PTN: variants seen among roughly 807,000 people sequenced by gnomAD.
The protein encoded by PTN is heparin affin regulatory protein.
Under a neutral mutation model 24.1 loss-of-function variants are expected in PTN, and 18 were observed. The ratio of observed to expected loss-of-function variants is 0.75; its 90% CI spans 0.52 to 1.11. The LOEUF (loss-of-function observed/expected upper bound fraction) is 1.11. Ranked by LOEUF, PTN falls within the 50% of genes least tolerant of loss-of-function variation. The probability of loss-of-function intolerance (pLI) is 0.00; values close to 1 mark genes in which losing one functional copy is unlikely to be tolerated. For synonymous variants in PTN, 78 were observed against 68.6 expected, an observed-to-expected ratio of 1.14 and a Z score of -0.67; for missense variants, 163 against 198.8, an observed-to-expected ratio of 0.82 and a Z score of 1.08.
chr7:137,255,113 G>A (rs1808898798), intron 1 of PTN, 139 bp from the exon 2 acceptor site: 1 of 530,628 alleles, frequency 1.9e-6, no homozygotes. Context: ...AATTATCTTG[G>A]GTAGAATTTT....
intron 4 of PTN, among the ~76,000 whole-genome samples, chr7:137,232,841 G>T (rs1808451234): frequency 6.6e-6 from 1 of 151,890 alleles, no homozygotes; most frequent in Non-Finnish European, 1.5e-5. Flanking sequence ...TCTTATGAGA[G>T]TTGATGGTTT....
chr7:137,243,482 T>A (rs917441146), intron 4 of PTN, among the ~76,000 whole-genome samples: 3 of 152,196 alleles, frequency 2.0e-5, no homozygotes, highest in African/African-American at 4.8e-5. Flanking sequence ...GTAAGTCTAA[T>A]GATATACCCC....
intron 1 of PTN, among the ~76,000 whole-genome samples, chr7:137,332,039 C>A (rs1175494225): frequency 3.3e-5 from 5 of 152,164 alleles, no homozygotes; most frequent in Non-Finnish European, 7.3e-5. Context: ...CTAATTTACC[C>A]ATACCGAGCT....
intron 4 of PTN, among the ~76,000 whole-genome samples, chr7:137,230,663 G>C (rs1056218403): frequency 6.6e-6 from 1 of 151,750 alleles, no homozygotes; most frequent in Non-Finnish European, 1.5e-5. Context: ...TCAACTGAAA[G>C]ACTAAATGAG....
intron 4 of PTN, among the ~76,000 whole-genome samples, chr7:137,247,931 G>A (rs1276036232): frequency 6.6e-6 from 1 of 152,150 alleles, no homozygotes. Context: ...TGAATTTAGA[G>A]TTAGACAAAT....
intron 4 of PTN, among the ~76,000 whole-genome samples, chr7:137,228,844 A>G (rs1177596759): frequency 6.6e-6 from 1 of 151,876 alleles, no homozygotes; most frequent in Non-Finnish European, 1.5e-5. Flanking sequence ...GGCTCCAAAG[A>G]CAAAAATGGT....
intron 4 of PTN, among the ~76,000 whole-genome samples, chr7:137,230,885 C>G (rs536982143): frequency 1.2e-4 from 18 of 151,944 alleles, no homozygotes; most frequent in African/African-American, 4.1e-4. Context: ...TTTAGTTCCC[C>G]AAATACATCT....
chr7:137,277,437 C>T (rs1809378941), intron 1 of PTN, among the ~76,000 whole-genome samples: 1 of 152,166 alleles, frequency 6.6e-6, no homozygotes, highest in South Asian at 2.1e-4. Context: ...CTTAGGTCTG[C>T]ACTAAGGCAT....
intron 2 of PTN, 33 bp from the exon 3 acceptor site, chr7:137,253,670 C>G (rs1365867015): frequency 3.4e-6 from 5 of 1,467,384 alleles, no homozygotes; most frequent in Non-Finnish European, 4.5e-6. Flanking sequence ...AATCAACATA[C>G]AGAAAACTCC....
intron 4 of PTN, among the ~76,000 whole-genome samples, chr7:137,242,016 C>T (rs1808637093): frequency 6.6e-6 from 1 of 152,204 alleles, no homozygotes; most frequent in Non-Finnish European, 1.5e-5. Flanking sequence ...ATGCTCACTC[C>T]TGAGGGATGT....
chr7:137,340,954 T>C (rs1810524308), intron 1 of PTN, among the ~76,000 whole-genome samples: 1 of 152,226 alleles, frequency 6.6e-6, no homozygotes, highest in Non-Finnish European at 1.5e-5. Context: ...TTTAGAGAAC[T>C]GGAATTTGTA....
At chr7:137,266,146 T>TAAG (rs1373413047) in intron 1 of PTN, among the ~76,000 whole-genome samples, 1 of 152,210 alleles carries the variant, frequency 6.6e-6, no homozygotes, top group Non-Finnish European at 1.5e-5. Context: ...ATTGGTGCTT[T>TAAG]AAGAAAAACC....
intron 1 of PTN, among the ~76,000 whole-genome samples, chr7:137,287,101 T>C (rs1585030074): frequency 6.6e-6 from 1 of 152,210 alleles, no homozygotes; most frequent in South Asian, 2.1e-4. Context: ...AATCATCAGC[T>C]ATCCCATTTC....
chr7:137,333,965 G>C (rs1810403335), intron 1 of PTN, among the ~76,000 whole-genome samples: 1 of 152,124 alleles, frequency 6.6e-6, no homozygotes. Flanking sequence ...TTAATAAATG[G>C]TGCTGGGAAA....
chr7:137,264,195 C>G (rs1809096982), intron 1 of PTN, among the ~76,000 whole-genome samples: 1 of 152,130 alleles, frequency 6.6e-6, no homozygotes, highest in African/African-American at 2.4e-5. Context: ...ACAAACATAA[C>G]ATTTAGAGAC....
chr7:137,324,433 A>AAAAAAATATATATATATATATATATAT, intron 1 of PTN, among the ~76,000 whole-genome samples: 6 of 88,804 alleles, frequency 6.8e-5, no homozygotes, highest in African/African-American at 3.5e-4. Context: ...AAAAAAAAAA[A>AAAAAAATATATATATATATATATATAT]ATATATATAT....
chr7:137,316,843 G>A (rs1179155442), intron 1 of PTN, among the ~76,000 whole-genome samples: 1 of 152,164 alleles, frequency 6.6e-6, no homozygotes, highest in Non-Finnish European at 1.5e-5. Flanking sequence ...GGTAACCCAG[G>A]TGTTTGACCG....
chr7:137,275,372 T>C (rs1367594503), intron 1 of PTN, among the ~76,000 whole-genome samples: 1 of 152,198 alleles, frequency 6.6e-6, no homozygotes, highest in African/African-American at 2.4e-5. Context: ...AGAATTATCA[T>C]TAGTATCAGC....
intron 4 of PTN, among the ~76,000 whole-genome samples, chr7:137,244,651 C>T (rs1039241590): frequency 1.3e-5 from 2 of 151,108 alleles, no homozygotes; most frequent in Non-Finnish European, 2.9e-5. Context: ...TTTGTCCTTG[C>T]AATAGTTTGC....
Sources: allele counts gnomAD v4.1 joint callset (sites outside exome capture counted in the v4.1 genomes callset), GRCh38; gene constraint gnomAD v4.1.1; transcripts MANE v1.5; gene names NCBI Gene and HGNC (gene_info 2026-07-23, HGNC 2026-07-21).